The following DGKH variants were observed in gnomAD, a reference collection of about 807,000 sequenced individuals.
DGKH encodes diacylglycerol kinase eta, also known as DAG kinase eta.
Under a neutral mutation model 159.3 loss-of-function variants are expected in DGKH, and 90 were observed. That is an observed-to-expected ratio of 0.57 (90% CI 0.48 to 0.67). DGKH has a LOEUF of 0.67. Ranked by LOEUF, DGKH falls within the 30% of genes least tolerant of loss-of-function variation. The probability of loss-of-function intolerance (pLI) is 0.00; values close to 1 mark genes in which losing one functional copy is unlikely to be tolerated. For synonymous variants in DGKH, 536 were observed against 553.8 expected (o/e 0.97, Z 0.45); for missense variants, 1,181 against 1,506.1 (o/e 0.78, Z 3.57).
intron 2 of DGKH, 47 bp from the exon 3 acceptor site, chr13:42,129,505 A>C: frequency 6.7e-7 from 1 of 1,482,886 alleles, no homozygotes; most frequent in Non-Finnish European, 9.3e-7. Context: ...AAGAGCATTG[A>C]GTTAGGTTTT....
chr13:42,224,291 C>T (rs1474841139), intron 29 of DGKH, among the ~76,000 whole-genome samples: 1 of 152,206 alleles, frequency 6.6e-6, no homozygotes, highest in Middle Eastern at 3.2e-3. Flanking sequence ...CCTCCAGGCA[C>T]TCTAGGCAGA....
intron 29 of DGKH, among the ~76,000 whole-genome samples, chr13:42,227,271 A>G (rs1223539161): frequency 6.6e-6 from 1 of 152,226 alleles, no homozygotes; most frequent in Non-Finnish European, 1.5e-5. Flanking sequence ...AATTAAATTA[A>G]TTTAAAAAAA....
At chr13:42,136,410 C>G (rs894893793) in intron 3 of DGKH, among the ~76,000 whole-genome samples, 2 of 151,988 alleles carry the variant, frequency 1.3e-5, no homozygotes, top group Non-Finnish European at 2.9e-5. Flanking sequence ...ATGTTATTTG[C>G]GAAAGAAGAG....
chr13:42,207,693 G>GTATATATATATATA (rs368253963), intron 21 of DGKH, among the ~76,000 whole-genome samples: 5,285 of 126,130 alleles, frequency 0.042, 187 homozygotes, highest in East Asian at 0.071. Context: ...TTATTAAAGT[G>GTATATATATATATA]TGTATATATA....
Position 42,159,263 on chromosome 13 carries a change from T to TTTTTTTTTTTTTTTTTTTTTTTA in DGKH, c.623-3_623-2insTTTTTTTTTTTTTTTTTTTTTTA. 8.0e-7 allele frequency: 1 copy of TTTTTTTTTTTTTTTTTTTTTTTA among 1,249,720 alleles called. No homozygotes were observed. The highest frequency in any genetic ancestry group is 1.1e-6 in the Non-Finnish European group (1 of 894,574). 77.4% of individuals were successfully genotyped at this position (1,249,720 alleles called of 1,614,324 possible). A position where few individuals can be genotyped will look rare whatever the true frequency, so the allele number is the denominator to read the frequency against. On this transcript the variant is annotated splice_polypyrimidine_tract_variant and splice_region_variant and intron_variant, in intron 5 of 29. Transcript: ENST00000337343. ...GTTGCTCTTTTTTTTTTTTTTTTTT[T>TTTTTTTTTTTTTTTTTTTTTTTA]AGTGTGTAAATTCAAGGCTCACAAA...
At chr13:42,083,327 G>A (rs1329467731) in intron 1 of DGKH, among the ~76,000 whole-genome samples, 1 of 151,638 alleles carries the variant, frequency 6.6e-6, no homozygotes, top group Non-Finnish European at 1.5e-5. Context: ...GCGAGGGTGT[G>A]GTGATACTGT....
intron 26 of DGKH, chr13:42,216,736 A>G (rs182022098): frequency 2.0e-5 from 3 of 152,340 alleles, no homozygotes; most frequent in East Asian, 1.9e-4. Flanking sequence ...GACTGGCTCT[A>G]CTATGGCCAT....
intron 1 of DGKH, among the ~76,000 whole-genome samples, chr13:42,112,683 C>G (rs1954885084): frequency 6.6e-6 from 1 of 152,240 alleles, no homozygotes; most frequent in Non-Finnish European, 1.5e-5. Flanking sequence ...TCACCCTCAT[C>G]ATCTGATTGC....
At position 42,209,364 on chromosome 13, in the gene DGKH, G is replaced by A. The variant is rs1414836142; in HGVS notation, c.2749G>A (p.Glu917Lys). ...AGTGAAAATCACTATATTTGGTGAC[G>A]AAGGAGTCCCAGTGCAAGTGGATGG... ...RTVKITIFGD[E>K]GVPVQVDGEA... Residue 917 changes from glutamate to lysine, a missense_variant, in exon 23 of 30, where the codon GAA (glutamate) becomes AAA (lysine). Physicochemically the swap from Glu to Lys is moderately conservative, Grantham distance 56. This residue lies in a region of DGKH where 335 missense variants were observed against 495.2 expected (regional missense o/e 0.68). Coordinates refer to ENST00000337343, the MANE Select transcript of DGKH (RefSeq NM_178009.5). 10 of 1,613,362 alleles carry A rather than the reference G, an allele frequency of 6.2e-6. No individual in the cohort carries two copies. The highest frequency in any genetic ancestry group is 1.3e-5 in the African/African-American group (1 of 74,872).
At chr13:42,132,160 A>G (rs993019383) in intron 3 of DGKH, among the ~76,000 whole-genome samples, 3 of 152,138 alleles carry the variant, frequency 2.0e-5, no homozygotes, top group Non-Finnish European at 4.4e-5. Flanking sequence ...ATGACACACA[A>G]TGATTGTACA....
intron 30 of DGKH, chr13:42,255,841 C>T: frequency 1.4e-6 from 1 of 692,092 alleles, no homozygotes; most frequent in Non-Finnish European, 2.4e-6. Context: ...AAAAGGGCAG[C>T]CCATTTTTAT....
chr13:42,177,244 A>G (rs968258922), intron 12 of DGKH, among the ~76,000 whole-genome samples: 2 of 144,130 alleles, frequency 1.4e-5, no homozygotes, highest in Non-Finnish European at 3.1e-5. Flanking sequence ...AATAGCATAG[A>G]TTGGTATCTG....
At chr13:42,190,304 G>A (rs36095934) in intron 15 of DGKH, 99 bp from the exon 16 acceptor site, 29 of 1,409,406 alleles carry the variant, frequency 2.1e-5, no homozygotes, top group Non-Finnish European at 2.7e-5. Flanking sequence ...CTGGAATTTT[G>A]TTTGGCATAT....
chr13:42,129,353 C>T (rs568686144), intron 2 of DGKH, among the ~76,000 whole-genome samples, 199 bp from the exon 3 acceptor site: 1 of 152,204 alleles, frequency 6.6e-6, no homozygotes, highest in African/African-American at 2.4e-5. Context: ...TCTTTAAAGC[C>T]CTTTTCAGTT....
intron 30 of DGKH, among the ~76,000 whole-genome samples, chr13:42,254,435 C>T (rs563768521): frequency 6.6e-6 from 1 of 152,162 alleles, no homozygotes; most frequent in South Asian, 2.1e-4. Flanking sequence ...AGTTCAAGAC[C>T]AGCCTGGCCA....
rs1481753631 is a variant in DGKH at position 42,180,838 on chromosome 13, TTTC to T, written c.1538+2627_1538+2629del. On this transcript the variant is annotated intron_variant, in intron 13 of 29. Coordinates refer to ENST00000337343, the MANE Select transcript of DGKH (RefSeq NM_178009.5). ...GTAATACAATATATGTTAAATTTTA[TTTC>T]TTCTTCTTATTATTTTTGGAAGAAA... Among the ~76,000 whole-genome samples the T allele has an allele frequency of 1.2e-4, 18 of 152,380 alleles. 1 individual carries two copies. Among genetic ancestry groups the T allele is most frequent in the South Asian group, 8.3e-4 (4 of 4,832 alleles).
chr13:42,103,332 G>T lies in DGKH; in HGVS notation c.193-24131G>T, dbSNP rs578010527. The stretch of plus-strand genomic sequence containing the variant: ...CCATATGAAATGATTGGGATAGGGA[G>T]TAGTATAATATTTCTGTTTCTAGCA... On this transcript the variant is annotated intron_variant, in intron 1 of 29. Transcript: ENST00000337343. 7.2e-5 allele frequency among the ~76,000 whole-genome samples: 11 copies of T among 152,282 alleles called. No homozygotes were observed. In the East Asian group the frequency reaches 2.1e-3, roughly 29 times the overall value.
intron 1 of DGKH, among the ~76,000 whole-genome samples, chr13:42,057,502 T>G (rs534378578): frequency 6.6e-6 from 1 of 152,316 alleles, no homozygotes; most frequent in Non-Finnish European, 1.5e-5. Flanking sequence ...ATATAATATC[T>G]CTGTAGTTTG....
At position 42,200,874 on chromosome 13, in the gene DGKH, C is replaced by T. The variant is rs537708036; in HGVS notation, c.2493+965C>T. Among the ~76,000 whole-genome samples the T allele has an allele frequency of 5.3e-5, 8 of 152,168 alleles. No individual in the cohort carries two copies. In the South Asian group the frequency reaches 6.2e-4, roughly 12 times the overall value. On this transcript the variant is annotated intron_variant, in intron 20 of 29. Coordinates refer to ENST00000337343, the MANE Select transcript of DGKH (RefSeq NM_178009.5). ...AAAGGTACAAAATCAGGAAGGTTCA[C>T]ATTTTGTAAATGCTATCCTTGACAC... is the stretch of plus-strand genomic sequence containing the variant.
Sources: gnomAD v4.1 joint callset for allele counts (sites outside exome capture counted in the v4.1 genomes callset) on GRCh38, gnomAD v4.1.1 for gene constraint, gnomAD v4.1.1 regional missense constraint, MANE v1.5 for transcripts, NCBI Gene and HGNC (gene_info 2026-07-23, HGNC 2026-07-21) for gene names.